The following NUDT9 variants were observed in gnomAD, a reference collection of about 807,000 sequenced individuals.
The protein encoded by NUDT9 is nudix hydrolase 9.
A neutral mutation model predicts 41.0 loss-of-function variants in NUDT9; 31 were observed. That is an observed-to-expected ratio of 0.76 (90% CI 0.57 to 1.02). NUDT9 has a LOEUF of 1.02. Ranked by LOEUF, NUDT9 falls within the 50% of genes least tolerant of loss-of-function variation. The pLI is 0.00. For missense variants in NUDT9, 380 were observed against 431.4 expected, an observed-to-expected ratio of 0.88 and a Z score of 1.06; for synonymous variants, 146 against 147.6, an observed-to-expected ratio of 0.99 and a Z score of 0.08.
At chr4:87,447,670 C>T (rs997946209) in intron 4 of NUDT9, among the ~76,000 whole-genome samples, 5 of 151,848 alleles carry the variant, frequency 3.3e-5, no homozygotes, top group Non-Finnish European at 7.4e-5. Context: ...TCTACAAAAC[C>T]CATAAGCAAT....
intron 7 of NUDT9, among the ~76,000 whole-genome samples, chr4:87,455,846 G>A (rs1722965512): frequency 6.6e-6 from 1 of 151,846 alleles, no homozygotes; most frequent in Non-Finnish European, 1.5e-5. Context: ...ATTTTTAGTA[G>A]AGATGGGGTT....
Position 87,422,784 on chromosome 4 carries a change from C to T in NUDT9, c.-122C>T, listed in dbSNP as rs1721186999. 3.0e-6 allele frequency: 2 copies of T among 663,844 alleles called. No individual in the cohort carries two copies. Among genetic ancestry groups the T allele is most frequent in the Non-Finnish European group, 5.2e-6 (2 of 386,066 alleles). 41.1% of individuals were successfully genotyped at this position (663,844 alleles called of 1,614,324 possible). ...CAGCTACTCCCGTTCGGGAACCCAA[C>T]GGCAGACAGGTCCTAGTGCCCATCA... On this transcript the variant is annotated 5_prime_UTR_variant, in exon 1 of 8. In the 5' UTR this introduces an upstream ATG that the reference lacks. Transcript: ENST00000302174.
At chr4:87,456,522 A>G (rs1722997371) in intron 7 of NUDT9, among the ~76,000 whole-genome samples, 1 of 152,106 alleles carries the variant, frequency 6.6e-6, no homozygotes, top group Admixed American at 6.5e-5. Flanking sequence ...TCCAGTCTTC[A>G]CCTGGTGGCT....
intron 1 of NUDT9, among the ~76,000 whole-genome samples, chr4:87,426,963 A>G (rs1441761595): frequency 6.6e-6 from 1 of 150,580 alleles, no homozygotes; most frequent in Non-Finnish European, 1.5e-5. Context: ...ACTAAACCAA[A>G]AAAAAAAAAA....
rs1578075000 is a variant in NUDT9, at chr4:87,444,038, C to T, written c.530+2123C>T. 5.3e-5 allele frequency among the ~76,000 whole-genome samples: 8 copies of T among 152,238 alleles called. No individual in the cohort carries two copies. In the South Asian group the frequency reaches 1.7e-3, roughly 32 times the overall value. Reference sequence around the variant, plus strand: ...AATGTTTAGATATGCTTAGCTATCTCCACAGGAATCATCTTTCTAATGTAC... The same window carrying T: ...AATGTTTAGATATGCTTAGCTATCTTCACAGGAATCATCTTTCTAATGTAC... On this transcript the variant is annotated intron_variant, in intron 4 of 7. Coordinates refer to ENST00000302174, the MANE Select transcript of NUDT9 (RefSeq NM_024047.5).
chr4:87,439,768 C>CA (rs1184966219), intron 3 of NUDT9, among the ~76,000 whole-genome samples: 1 of 152,154 alleles, frequency 6.6e-6, no homozygotes, highest in African/African-American at 2.4e-5. Flanking sequence ...CCAGGTTCTG[C>CA]CCTCAATTTT....
At chr4:87,431,294 C>A (rs1323266306) in intron 1 of NUDT9, among the ~76,000 whole-genome samples, 1 of 152,122 alleles carries the variant, frequency 6.6e-6, no homozygotes, top group East Asian at 1.9e-4. Context: ...GTCTATATGT[C>A]TTTCTGTATG....
At chr4:87,454,500 T>G in intron 7 of NUDT9, 45 bp downstream of exon 7, 6 of 1,242,566 alleles carry the variant, frequency 4.8e-6, no homozygotes, top group Non-Finnish European at 7.1e-6. Flanking sequence ...AGGATCAATT[T>G]AAGCCATTAG....
intron 1 of NUDT9, among the ~76,000 whole-genome samples, chr4:87,428,087 G>C (rs897894474): frequency 6.6e-6 from 1 of 152,036 alleles, no homozygotes; most frequent in African/African-American, 2.4e-5. Flanking sequence ...TCAAATACTC[G>C]CTCACGTTAC....
At chr4:87,433,627 C>G (rs1311769162) in intron 1 of NUDT9, among the ~76,000 whole-genome samples, 1 of 152,162 alleles carries the variant, frequency 6.6e-6, no homozygotes, top group Non-Finnish European at 1.5e-5. Flanking sequence ...CATAATTTTA[C>G]CATGTCCTCA....
intron 2 of NUDT9, among the ~76,000 whole-genome samples, chr4:87,438,056 A>G (rs865875903): frequency 2.0e-5 from 3 of 151,650 alleles, no homozygotes; most frequent in Middle Eastern, 6.8e-3. Flanking sequence ...TAATAATAAT[A>G]TATATCTTTG....
In NUDT9 at chr4:87,451,535, G is replaced by A. The variant is rs995869083; in HGVS notation, c.643-54G>A. 14 of 1,433,600 alleles carry A rather than the reference G, an allele frequency of 9.8e-6. No individual in the cohort carries two copies. The Admixed American group carries it at 1.9e-4, about 20-fold the overall frequency. The allele number at this position is 1,433,600 out of a possible 1,614,324, so 88.8% of individuals were successfully genotyped here. A position where few individuals can be genotyped will look rare whatever the true frequency, so the allele number is the denominator to read the frequency against. On this transcript the variant is annotated intron_variant, in intron 5 of 7. Coordinates refer to ENST00000302174, the MANE Select transcript of NUDT9 (RefSeq NM_024047.5). ...TCACTCTACTACTCAATAAATATTT[G>A]TTGAACAAATCAAAGCTGATCCCTT...
chr4:87,431,312 C>T (rs1192966736), intron 1 of NUDT9, among the ~76,000 whole-genome samples: 3 of 152,184 alleles, frequency 2.0e-5, no homozygotes, highest in Non-Finnish European at 4.4e-5. Context: ...ATGCCAGTAT[C>T]TCAGTGTTGT....
rs558384960 is a variant in NUDT9 at position 87,422,901 on chromosome 4, C to T, written c.-5C>T. 6.2e-7 allele frequency: 1 copy of T among 1,607,996 alleles called. No homozygotes were observed. Among genetic ancestry groups the T allele is most frequent in the East Asian group, 2.2e-5 (1 of 44,758 alleles). ...TAGCATCGCAAAGCCGCCCTCGGGG[C>T]GCTCATGGCGGGACGCCTCCTGGGA... On this transcript the variant is annotated 5_prime_UTR_variant, in exon 1 of 8. Transcript: ENST00000302174.
At chr4:87,428,340 G>A (rs528217310) in intron 1 of NUDT9, among the ~76,000 whole-genome samples, 16 of 152,234 alleles carry the variant, frequency 1.1e-4, no homozygotes, top group African/African-American at 3.6e-4. Flanking sequence ...GTTTCTTACA[G>A]AACTCAACAC....
chr4:87,434,896 G>C (rs1333567309), intron 1 of NUDT9, 85 bp from the exon 2 acceptor site: 2 of 1,221,556 alleles, frequency 1.6e-6, no homozygotes, highest in African/African-American at 3.0e-5. Flanking sequence ...TGGGATTACA[G>C]GCGTAAGCCA....
chr4:87,457,060 C>T lies in NUDT9; in HGVS notation c.875-783C>T, dbSNP rs141310068. Among the ~76,000 whole-genome samples the T allele has an allele frequency of 7.5e-3, 1,147 of 152,060 alleles. 9 individuals carry two copies. The highest frequency in any genetic ancestry group is 0.026 in the African/African-American group (1,074 of 41,464). On this transcript the variant is annotated intron_variant, in intron 7 of 7. Transcript: ENST00000302174. ...GGATTGCTTATTGTATCTTCAGTGC[C>T]TAGTACAGTCTGGCACACAAGATGC...
chr4:87,430,334 A>C (rs866233814), intron 1 of NUDT9, among the ~76,000 whole-genome samples: 2 of 152,368 alleles, frequency 1.3e-5, no homozygotes, highest in Middle Eastern at 3.4e-3. Flanking sequence ...TCTAACCTAC[A>C]AAACTGTAAG....
chr4:87,429,757 CCT>C (rs1360193902), intron 1 of NUDT9, among the ~76,000 whole-genome samples: 2 of 148,474 alleles, frequency 1.3e-5, no homozygotes, highest in African/African-American at 5.0e-5. Flanking sequence ...CCTGTACTCC[CCT>C]TTCCCCCTCC....
Sources: gnomAD v4.1 joint callset for allele counts (sites outside exome capture counted in the v4.1 genomes callset) on GRCh38, gnomAD v4.1.1 for gene constraint, MANE v1.5 for transcripts, NCBI Gene and HGNC (gene_info 2026-07-23, HGNC 2026-07-21) for gene names.